Variants in KCNJ3 observed in about 807,000 individuals in gnomAD.
KCNJ3 encodes the protein G protein-activated inward rectifier potassium channel 1.
In KCNJ3, 4 loss-of-function variants were observed where a neutral mutation model predicts 39.2. The observed-to-expected ratio is 0.10, with a 90% CI of 0.05 to 0.23. The LOEUF is 0.23. Among genes scored for constraint, KCNJ3 ranks in the 10% least tolerant of loss-of-function variants. KCNJ3 has a pLI of 1.00. For missense variants in KCNJ3, 276 were observed against 634.9 expected (o/e 0.43, Z 6.08); for synonymous variants, 230 against 237.4 (o/e 0.97, Z 0.29).
intron 2 of KCNJ3, among the ~76,000 whole-genome samples, chr2:154,781,948 G>T (rs1336364880): frequency 6.6e-6 from 1 of 152,208 alleles, no homozygotes; most frequent in Non-Finnish European, 1.5e-5. Context: ...TCTAAGTTCA[G>T]TGGTTTTGAG....
intron 2 of KCNJ3, among the ~76,000 whole-genome samples, chr2:154,731,293 T>C (rs1221836319): frequency 2.2e-4 from 34 of 152,126 alleles, no homozygotes; most frequent in Admixed American, 2.2e-3. Context: ...ATCATGAAGC[T>C]ATTCAAATGT....
intron 2 of KCNJ3, among the ~76,000 whole-genome samples, chr2:154,730,665 T>C (rs1041172449): frequency 2.0e-5 from 3 of 152,098 alleles, no homozygotes; most frequent in African/African-American, 7.2e-5. Flanking sequence ...CAATGAATTT[T>C]GCAAATATAA....
At position 154,771,003 on chromosome 2, in the gene KCNJ3, G is replaced by A. The variant is rs1459504138; in HGVS notation, c.919+61184G>A. ...CCTCCCAGGTTCAAGTGACTCTCCTGCCTCAGCCTCCCCAGTAGCGGGATT... is the reference window on the plus strand; with the variant it reads ...CCTCCCAGGTTCAAGTGACTCTCCTACCTCAGCCTCCCCAGTAGCGGGATT... On this transcript the variant is annotated intron_variant, in intron 2 of 2. Transcript: ENST00000295101. Among the ~76,000 whole-genome samples, 7 of 149,362 alleles carry A rather than the reference G, an allele frequency of 4.7e-5. No homozygotes were observed. The Admixed American group carries it at 4.7e-4, about 10-fold the overall frequency.
intron 2 of KCNJ3, among the ~76,000 whole-genome samples, chr2:154,776,199 T>G (rs1009150657): frequency 2.0e-4 from 31 of 151,878 alleles, no homozygotes; most frequent in African/African-American, 7.5e-4. Flanking sequence ...ATGGGGTTTC[T>G]CCATGTTGGG....
At chr2:154,739,665 G>C (rs1685612048) in intron 2 of KCNJ3, among the ~76,000 whole-genome samples, 1 of 152,018 alleles carries the variant, frequency 6.6e-6, no homozygotes, top group African/African-American at 2.4e-5. Context: ...TCTATGCCCA[G>C]AGGCTTGAGG....
chr2:154,770,196 A>G (rs1409061235), intron 2 of KCNJ3, among the ~76,000 whole-genome samples: 1 of 152,216 alleles, frequency 6.6e-6, no homozygotes, highest in Non-Finnish European at 1.5e-5. Flanking sequence ...ACTTTGCTTC[A>G]TTACACCTTC....
intron 2 of KCNJ3, among the ~76,000 whole-genome samples, chr2:154,830,200 G>C (rs1687339704): frequency 6.6e-6 from 1 of 152,054 alleles, no homozygotes; most frequent in South Asian, 2.1e-4. Flanking sequence ...GTTTCCTCAG[G>C]CTTCTCCAAC....
intron 2 of KCNJ3, among the ~76,000 whole-genome samples, chr2:154,814,102 A>C (rs1436518465): frequency 1.3e-5 from 2 of 152,154 alleles, no homozygotes; most frequent in Non-Finnish European, 2.9e-5. Context: ...CTTCCTCAAC[A>C]GTTCTGTTAA....
At chr2:154,771,210 G>A (rs1280389677) in intron 2 of KCNJ3, among the ~76,000 whole-genome samples, 1 of 152,032 alleles carries the variant, frequency 6.6e-6, no homozygotes, top group East Asian at 1.9e-4. Context: ...ATTTTCAATG[G>A]TTATTTGTTA....
chr2:154,766,372 A>G (rs1387879368), intron 2 of KCNJ3, among the ~76,000 whole-genome samples: 7 of 152,176 alleles, frequency 4.6e-5, no homozygotes, highest in South Asian at 2.1e-4. Flanking sequence ...CCTGTAGAAT[A>G]TATGGCAAGA....
At position 154,699,566 on chromosome 2, in the gene KCNJ3, C is replaced by G; in HGVS notation, c.702+89C>G. 1 of 1,475,960 alleles carries G rather than the reference C, an allele frequency of 6.8e-7. No homozygotes were observed. Among genetic ancestry groups the G allele is most frequent in the Non-Finnish European group, 9.0e-7 (1 of 1,115,282 alleles). 91.4% of individuals were successfully genotyped at this position (1,475,960 alleles called of 1,614,324 possible). On this transcript the variant is annotated intron_variant, in intron 1 of 2. Transcript: ENST00000295101. This position sits in a 1 kb window ranked among gnomAD's most constrained non-coding sequence, Gnocchi z 6.4. ...GTCTGAGAACCAGCCCGGGCCCCCT[C>G]CCCTGGTTCTACCTATAGCCACAGG...
chr2:154,772,603 C>G (rs1347834125), intron 2 of KCNJ3, among the ~76,000 whole-genome samples: 2 of 152,016 alleles, frequency 1.3e-5, no homozygotes, highest in African/African-American at 2.4e-5. Flanking sequence ...TTTTACTTTC[C>G]ATTTTACTTT....
chr2:154,800,537 A>G (rs375469301), intron 2 of KCNJ3, among the ~76,000 whole-genome samples: 163 of 152,242 alleles, frequency 1.1e-3, no homozygotes, highest in African/African-American at 3.5e-3. Context: ...TTTCCTTCAC[A>G]TCATCAATTT....
intron 2 of KCNJ3, among the ~76,000 whole-genome samples, chr2:154,778,736 TC>T (rs1686381282): frequency 6.6e-6 from 1 of 152,106 alleles, no homozygotes; most frequent in South Asian, 2.1e-4. Context: ...ACAATAATAT[TC>T]TTATAAAATT....
intron 2 of KCNJ3, among the ~76,000 whole-genome samples, chr2:154,747,652 G>T (rs1447394598): frequency 6.6e-6 from 1 of 152,002 alleles, no homozygotes; most frequent in East Asian, 1.9e-4. Context: ...AATAGAGAAA[G>T]GAGAGGTTAT....
chr2:154,791,179 A>C (rs1200461663), intron 2 of KCNJ3, among the ~76,000 whole-genome samples: 1 of 151,998 alleles, frequency 6.6e-6, no homozygotes, highest in East Asian at 1.9e-4. Flanking sequence ...TTAAGATTAG[A>C]GTCTTAGTGG....
intron 2 of KCNJ3, among the ~76,000 whole-genome samples, chr2:154,789,625 G>A (rs1686591878): frequency 6.6e-6 from 1 of 152,004 alleles, no homozygotes; most frequent in Non-Finnish European, 1.5e-5. Context: ...CATACATATA[G>A]TGTAATTAAA....
At chr2:154,841,920 T>TTATGTCTC (rs1433984909) in intron 2 of KCNJ3, among the ~76,000 whole-genome samples, 1 of 152,160 alleles carries the variant, frequency 6.6e-6, no homozygotes, top group African/African-American at 2.4e-5. Context: ...GAAGGCTTTT[T>TTATGTCTC]TATGTCTCTC....
intron 2 of KCNJ3, among the ~76,000 whole-genome samples, chr2:154,841,710 G>GT (rs1278162545): frequency 1.3e-5 from 2 of 152,080 alleles, no homozygotes; most frequent in Admixed American, 6.5e-5. Context: ...AGATTTTCTA[G>GT]TTTTTTTGCA....
Sources: allele counts gnomAD v4.1 joint callset (sites outside exome capture counted in the v4.1 genomes callset), GRCh38; gene constraint gnomAD v4.1.1; non-coding constraint Gnocchi (gnomAD v3.1); transcripts MANE v1.5; gene names NCBI Gene and HGNC (gene_info 2026-07-23, HGNC 2026-07-21).